SLC25A48: variants seen among roughly 807,000 people sequenced by gnomAD.
SLC25A48 encodes the protein CTC-321K16.1.
In SLC25A48, 29 loss-of-function variants were observed where a neutral mutation model predicts 32.2. The ratio of observed to expected loss-of-function variants is 0.90; its 90% confidence interval spans 0.67 to 1.23. SLC25A48 has a LOEUF of 1.23. SLC25A48 is among the 50% of genes most tolerant of loss of function. The pLI is 0.00. For missense variants in SLC25A48, 399 were observed against 422.7 expected, an observed-to-expected ratio of 0.94 and a Z score of 0.49; for synonymous variants, 164 against 172.3, an observed-to-expected ratio of 0.95 and a Z score of 0.38.
intron 3 of SLC25A48, among the ~76,000 whole-genome samples, chr5:135,744,353 AT>A (rs72508637): frequency 0.26 from 38,596 of 148,696 alleles, 5,220 homozygotes; most frequent in East Asian, 0.47. Flanking sequence ...TTTTCTCTCC[AT>A]TTTTTTTTTC....
intron 3 of SLC25A48, among the ~76,000 whole-genome samples, chr5:135,663,638 T>G (rs1859066): frequency 0.72 from 109,610 of 152,118 alleles, 40,012 homozygotes; most frequent in Middle Eastern, 0.81. Context: ...TGCAAGTGAA[T>G]GAAGACTGGA....
At chr5:135,824,690 T>C (rs1382654472) in intron 4 of SLC25A48, 2 of 152,240 alleles carry the variant, frequency 1.3e-5, no homozygotes, top group Non-Finnish European at 2.9e-5. Flanking sequence ...ACTACCGCTC[T>C]GAGGAGGAGA....
chr5:135,856,225 C>T (rs907935361), intron 4 of SLC25A48, among the ~76,000 whole-genome samples: 2 of 152,144 alleles, frequency 1.3e-5, no homozygotes, highest in African/African-American at 4.8e-5. Flanking sequence ...AAGGCTGGAC[C>T]CATAGTCCTT....
intron 4 of SLC25A48, chr5:135,825,754 C>A (rs1173804660): frequency 6.5e-6 from 1 of 152,832 alleles, no homozygotes; most frequent in Non-Finnish European, 1.5e-5. Flanking sequence ...GTGACAGTGA[C>A]CGGGATGCCC....
chr5:135,612,635 T>C (rs1469460978), intron 1 of SLC25A48, among the ~76,000 whole-genome samples: 1 of 152,146 alleles, frequency 6.6e-6, no homozygotes, highest in Non-Finnish European at 1.5e-5. Context: ...GTAAGAACAA[T>C]GTGAAATTTG....
chr5:135,707,554 A>G (rs1754547015), intron 3 of SLC25A48, among the ~76,000 whole-genome samples: 1 of 151,884 alleles, frequency 6.6e-6, no homozygotes, highest in Admixed American at 6.6e-5. Context: ...CACCAAGCAC[A>G]CTGCTGCCCT....
intron 3 of SLC25A48, among the ~76,000 whole-genome samples, chr5:135,769,946 A>G (rs1297634758): frequency 7.0e-6 from 1 of 142,862 alleles, no homozygotes; most frequent in East Asian, 2.0e-4. Context: ...GGGAGAAAGT[A>G]TAGTATTACT....
At chr5:135,594,239 A>G (rs1349937559) in intron 1 of SLC25A48, among the ~76,000 whole-genome samples, 3 of 152,204 alleles carry the variant, frequency 2.0e-5, no homozygotes, top group African/African-American at 7.2e-5. Flanking sequence ...ATAGACATCT[A>G]TTTAGTTACA....
rs573503418 is a variant in SLC25A48, at chr5:135,770,585, C to T, written c.-520-41938C>T. On this transcript the variant is annotated intron_variant, in intron 3 of 10. Coordinates refer to the SLC25A48 transcript ENST00000646290. ...CCCAATATGGCAGGGGATGTACACACCCCTGTGATATTGTTCCTAATATGC... is the reference window on the plus strand; with the variant it reads ...CCCAATATGGCAGGGGATGTACACATCCCTGTGATATTGTTCCTAATATGC... Among the ~76,000 whole-genome samples, 6 of 151,876 alleles carry T rather than the reference C, an allele frequency of 4.0e-5. No homozygotes were observed. The East Asian group carries it at 1.2e-3, about 29-fold the overall frequency.
At chr5:135,855,059 C>A (rs1480916058) in intron 4 of SLC25A48, among the ~76,000 whole-genome samples, 2 of 152,200 alleles carry the variant, frequency 1.3e-5, no homozygotes, top group Admixed American at 1.3e-4. Flanking sequence ...ATTAAGCTGA[C>A]TCTCTTATAT....
At chr5:135,797,740 A>G (rs1561498049) in intron 3 of SLC25A48, among the ~76,000 whole-genome samples, 3 of 151,602 alleles carry the variant, frequency 2.0e-5, no homozygotes, top group Non-Finnish European at 4.4e-5. Flanking sequence ...GATATTGTTC[A>G]TAATTTCCAG....
rs1354558019 is a variant in SLC25A48, at chr5:135,727,190, ATAT to A, written c.-520-85332_-520-85330del. Among the ~76,000 whole-genome samples the A allele has an allele frequency of 8.7e-5, 13 of 149,780 alleles. No individual in the cohort carries two copies. In the East Asian group the frequency reaches 2.0e-3, roughly 23 times the overall value. ...TTACATATATAGCCACAGGCTATAT[ATAT>A]ATATATATATACGTGTGTATAGTAA... is the stretch of plus-strand genomic sequence containing the variant. On this transcript the variant is annotated intron_variant, in intron 3 of 10. Coordinates refer to the SLC25A48 transcript ENST00000646290.
intron 3 of SLC25A48, among the ~76,000 whole-genome samples, chr5:135,645,148 G>C (rs1752930364): frequency 6.6e-6 from 1 of 152,198 alleles, no homozygotes; most frequent in Non-Finnish European, 1.5e-5. Flanking sequence ...ATAATTCCGA[G>C]AGTAAGGACT....
At chr5:135,680,722 A>G (rs1753876421) in intron 3 of SLC25A48, among the ~76,000 whole-genome samples, 2 of 152,156 alleles carry the variant, frequency 1.3e-5, no homozygotes, top group Non-Finnish European at 2.9e-5. Flanking sequence ...ACCCACCCCC[A>G]TGATTCAATT....
chr5:135,887,687 C>T (rs1181115148), intron 7 of SLC25A48, among the ~76,000 whole-genome samples: 2 of 152,058 alleles, frequency 1.3e-5, no homozygotes, highest in East Asian at 3.9e-4. Context: ...TCTCCCTTGG[C>T]GTTGCCCTTT....
intron 1 of SLC25A48, among the ~76,000 whole-genome samples, chr5:135,619,767 CA>C (rs1752279252): frequency 6.6e-6 from 1 of 151,742 alleles, no homozygotes; most frequent in Admixed American, 6.6e-5. Flanking sequence ...TAAACAGTGT[CA>C]GTGGTGTCTA....
At chr5:135,874,619 C>A in intron 6 of SLC25A48, 1 of 681,462 alleles carries the variant, frequency 1.5e-6, no homozygotes. Context: ...GCCTTCTGCT[C>A]TCCCACCTGA....
chr5:135,785,165 A>G (rs1234778845), intron 3 of SLC25A48, among the ~76,000 whole-genome samples: 1 of 152,184 alleles, frequency 6.6e-6, no homozygotes, highest in Non-Finnish European at 1.5e-5. Context: ...CGTAATATGT[A>G]GGAAGGGAGA....
intron 1 of SLC25A48, among the ~76,000 whole-genome samples, chr5:135,617,251 G>A (rs1752211736): frequency 6.6e-6 from 1 of 151,918 alleles, no homozygotes; most frequent in African/African-American, 2.4e-5. Flanking sequence ...ATATATAGTT[G>A]TTCATAATAT....
Sources: allele counts gnomAD v4.1 joint callset (sites outside exome capture counted in the v4.1 genomes callset), GRCh38; gene constraint gnomAD v4.1.1; transcripts MANE v1.5; gene names NCBI Gene and HGNC (gene_info 2026-07-23, HGNC 2026-07-21).